The following TNIP3 variants were observed in gnomAD, a reference collection of about 807,000 sequenced individuals.
TNIP3 encodes TNFAIP3-interacting protein 3.
A neutral mutation model predicts 54.1 loss-of-function variants in TNIP3; 34 were observed. The ratio of observed to expected loss-of-function variants is 0.63; its 90% CI spans 0.48 to 0.84. The LOEUF (loss-of-function observed/expected upper bound fraction) is 0.84. TNIP3 is among the 40% of genes least tolerant of loss of function. The pLI is 0.00. For synonymous variants in TNIP3, 134 were observed against 136.8 expected (o/e 0.98, Z 0.14); for missense variants, 366 against 387.6 (o/e 0.94, Z 0.47).
intron 5 of TNIP3, among the ~76,000 whole-genome samples, chr4:121,152,261 T>A (rs183316521): frequency 5.5e-4 from 83 of 152,200 alleles, no homozygotes; most frequent in African/African-American, 2.0e-3. Context: ...CTTTTGTTTA[T>A]CACATTGGTA....
chr4:121,175,247 GGAA>G (rs1191259108), intron 3 of TNIP3, among the ~76,000 whole-genome samples: 1 of 152,284 alleles, frequency 6.6e-6, no homozygotes, highest in African/African-American at 2.4e-5. Context: ...ATGCAAGTCT[GGAA>G]GAAGACAAAG....
chr4:121,169,410 C>T (rs1326701075), intron 3 of TNIP3, among the ~76,000 whole-genome samples: 3 of 152,140 alleles, frequency 2.0e-5, no homozygotes, highest in Non-Finnish European at 4.4e-5. Flanking sequence ...AATTGCTCTC[C>T]ACCCCAGCAC....
chr4:121,218,018 C>A (rs1225439630), upstream of TNIP3, among the ~76,000 whole-genome samples: 1 of 152,084 alleles, frequency 6.6e-6, no homozygotes, highest in African/African-American at 2.4e-5. Context: ...AAACACCAAA[C>A]CATCTGACTC....
chr4:121,181,571 A>G (rs867742841), intron 3 of TNIP3, among the ~76,000 whole-genome samples: 3 of 152,256 alleles, frequency 2.0e-5, no homozygotes, highest in Non-Finnish European at 2.9e-5. Context: ...TGAAAGAAAG[A>G]GGTACAGGAG....
intron 2 of TNIP3, among the ~76,000 whole-genome samples, chr4:121,159,768 A>G (rs946948417): frequency 6.6e-6 from 1 of 152,254 alleles, no homozygotes; most frequent in African/African-American, 2.4e-5. Flanking sequence ...AGAAGGCAGA[A>G]GAAGTGCTAT....
intron 2 of TNIP3, among the ~76,000 whole-genome samples, chr4:121,206,841 A>G (rs1201926175): frequency 1.3e-5 from 2 of 152,294 alleles, no homozygotes; most frequent in East Asian, 3.9e-4. Context: ...AAGTGCTAGG[A>G]TTACAGGTGT....
intron 3 of TNIP3, among the ~76,000 whole-genome samples, chr4:121,176,641 G>GAA (rs1045760897): frequency 2.1e-5 from 3 of 142,516 alleles, no homozygotes; most frequent in African/African-American, 8.0e-5. Flanking sequence ...GTACAGATAA[G>GAA]AAAACAAGAT....
At chr4:121,217,192 GA>G (rs1235877174), upstream of TNIP3, among the ~76,000 whole-genome samples, 1 of 152,124 alleles carries the variant, frequency 6.6e-6, no homozygotes, top group Non-Finnish European at 1.5e-5. Flanking sequence ...TGAAGAATTT[GA>G]AGAATTGTGT....
At chr4:121,209,198 T>G (rs1726345488) in intron 2 of TNIP3, among the ~76,000 whole-genome samples, 2 of 152,254 alleles carry the variant, frequency 1.3e-5, no homozygotes, top group Non-Finnish European at 2.9e-5. Context: ...TCTTTTCATC[T>G]GGCTGTTCCT....
chr4:121,149,917 A>G lies in TNIP3; in HGVS notation c.609+186T>C, dbSNP rs575195398. 2.0e-5 allele frequency among the ~76,000 whole-genome samples: 3 copies of G among 152,294 alleles called. No homozygotes were observed. The East Asian group carries it at 5.8e-4, about 29-fold the overall frequency. On this transcript the variant is annotated intron_variant, in intron 6 of 10. Transcript: ENST00000057513. ...CTGAAACTCAGTTCCCTATGTTCTA[A>G]ATGGTGGGACTGAACTAGCTGATCT...
chr4:121,174,915 C>A (rs1033272307), intron 3 of TNIP3, among the ~76,000 whole-genome samples: 6 of 152,170 alleles, frequency 3.9e-5, no homozygotes, highest in African/African-American at 1.2e-4. Flanking sequence ...AAAATATTTT[C>A]AATCAAACTA....
At chr4:121,161,097 C>G in intron 2 of TNIP3, 39 bp downstream of exon 2, 1 of 1,426,132 alleles carries the variant, frequency 7.0e-7, no homozygotes, top group Non-Finnish European at 9.7e-7. Context: ...CAGCATTAAT[C>G]CATGGCACCT....
chr4:121,198,148 T>G (rs950953904), intron 2 of TNIP3, among the ~76,000 whole-genome samples: 5 of 125,520 alleles, frequency 4.0e-5, no homozygotes, highest in African/African-American at 1.7e-4. Flanking sequence ...TTCATTCTTG[T>G]TTTTTTTTTT....
chr4:121,216,762 AAAT>A (rs921280342), upstream of TNIP3: 7 of 597,696 alleles, frequency 1.2e-5, no homozygotes, highest in African/African-American at 1.1e-4. Flanking sequence ...TGACAGGGAG[AAAT>A]TGTCCAGGAG....
intron 3 of TNIP3, among the ~76,000 whole-genome samples, chr4:121,180,504 A>C (rs1041283712): frequency 1.7e-4 from 26 of 152,362 alleles, no homozygotes; most frequent in African/African-American, 6.0e-4. Flanking sequence ...AGTAAAATGC[A>C]AAATGACCAT....
chr4:121,211,503 T>C (rs901618449), intron 2 of TNIP3, among the ~76,000 whole-genome samples: 2 of 152,208 alleles, frequency 1.3e-5, no homozygotes, highest in Non-Finnish European at 2.9e-5. Flanking sequence ...CAAAGCCAAA[T>C]TGAATTTTCC....
At chr4:121,169,911 A>G (rs1270077651) in intron 3 of TNIP3, among the ~76,000 whole-genome samples, 3 of 152,192 alleles carry the variant, frequency 2.0e-5, no homozygotes, top group Non-Finnish European at 4.4e-5. Context: ...ATATACTTTT[A>G]GTTTTTAGGG....
At chr4:121,141,281 T>C (rs1156852633) in intron 9 of TNIP3, among the ~76,000 whole-genome samples, 1 of 152,156 alleles carries the variant, frequency 6.6e-6, no homozygotes, top group African/African-American at 2.4e-5. Flanking sequence ...CACAAATAAT[T>C]GCTCAACTCT....
intron 2 of TNIP3, among the ~76,000 whole-genome samples, chr4:121,212,109 T>C (rs1020482657): frequency 1.3e-5 from 2 of 152,230 alleles, no homozygotes; most frequent in African/African-American, 4.8e-5. Context: ...AAGTGATTTC[T>C]ACATTGAATC....
Sources: allele counts gnomAD v4.1 joint callset (sites outside exome capture counted in the v4.1 genomes callset), GRCh38; gene constraint gnomAD v4.1.1; transcripts MANE v1.5; gene names NCBI Gene and HGNC (gene_info 2026-07-23, HGNC 2026-07-21).